PSG4: variants seen among roughly 807,000 people sequenced by gnomAD.
The protein encoded by PSG4 is pregnancy specific beta-1-glycoprotein 4.
PSG4 carries 61 observed loss-of-function variants against 44.3 expected under a neutral mutation model. The observed-to-expected ratio is 1.38, with a 90% confidence interval of 1.12 to 1.70. The LOEUF (loss-of-function observed/expected upper bound fraction) is 1.70, where lower values mean the gene tolerates loss of function less well. Among genes scored for constraint, PSG4 ranks in the 40% most tolerant of loss-of-function variants. The probability of loss-of-function intolerance (pLI) is 0.00; values close to 1 mark genes in which losing one functional copy is unlikely to be tolerated. For missense variants in PSG4, 677 were observed against 511.7 expected, an observed-to-expected ratio of 1.32 and a Z score of -3.12; for synonymous variants, 248 against 191.3, an observed-to-expected ratio of 1.30 and a Z score of -2.45.
Position 43,194,383 on chromosome 19 carries a change from G to A in PSG4, c.1200C>T (p.Ala400=), listed in dbSNP as rs768917660. The A allele has an allele frequency of 1.2e-6, 2 of 1,612,448 alleles. No homozygotes were observed. Among genetic ancestry groups the A allele is most frequent in the Non-Finnish European group, 8.5e-7 (1 of 1,179,114 alleles). ...GLYACSVRNS[A]TGKESSKSIT... ...TGGATTTGGAGCTTTCCTTGCCAGT[G>A]GCTGAGTTACGAACAGAGCAAGCAT... Residue 400 remains alanine (A), a synonymous_variant, in exon 5 of 6, where the codon GCC becomes GCT. Transcript: ENST00000405312.
In PSG4 at chr19:43,204,514, G is replaced by A. The variant is rs182378386; in HGVS notation, c.65-263C>T. The A allele has an allele frequency of 3.1e-4, 141 of 460,184 alleles. 12 individuals are homozygous for A. Among genetic ancestry groups the A allele is most frequent in the African/African-American group, 2.1e-3 (93 of 45,156 alleles). 28.5% of individuals were successfully genotyped at this position (460,184 alleles called of 1,614,324 possible). ...TTGGATTCCTCTTCCCCAGGGGTCC[G>A]CACGGCCCCCTCCACACTGCCCTCA... On this transcript the variant is annotated intron_variant, in intron 1 of 5. Coordinates refer to ENST00000405312, the MANE Select transcript of PSG4 (RefSeq NM_002780.5).
Position 43,193,770 on chromosome 19 carries a change from A to G in PSG4, c.1244-382T>C, listed in dbSNP as rs1029477532. The stretch of plus-strand genomic sequence containing the variant: ...TTCTATCTATATTCTTGAATATAAC[A>G]TCCCAGTCAAAGCCTTGGTAATATA... On this transcript the variant is annotated intron_variant, in intron 5 of 5. Transcript: ENST00000405312. 3 of 530,526 alleles carry G rather than the reference A, an allele frequency of 5.7e-6. No homozygotes were observed. In the African/African-American group the frequency reaches 5.8e-5, roughly 10 times the overall value. 32.9% of individuals were successfully genotyped at this position (530,526 alleles called of 1,614,324 possible).
intron 1 of PSG4, chr19:43,204,928 T>C: frequency 3.2e-6 from 1 of 314,584 alleles, no homozygotes. Context: ...TTGTTATCAT[T>C]TTTCAAAATA....
rs1425471189 is a variant in PSG4 at position 43,198,008 on chromosome 19, A to C, written c.698T>G (p.Leu233Arg). The stretch of plus-strand genomic sequence containing the variant: ...CAGAGGATACTCACGGAGGAGATTC[A>C]GGGTGACTGGGTCACTGCGGCTGGC... ...VSASRSDPVTLNLLPKLSKPY... is the reference protein window; with the variant it reads ...VSASRSDPVTRNLLPKLSKPY... Residue 233 changes from leucine to arginine, a missense_variant, in exon 3 of 6, where the codon CTG becomes CGG. Physicochemically the swap from Leu to Arg is moderately radical, Grantham distance 102. Transcript: ENST00000405312. 1.3e-6 allele frequency: 2 copies of C among 1,588,002 alleles called. No homozygotes were observed. The highest frequency in any genetic ancestry group is 1.1e-5 in the South Asian group (1 of 89,946).
chr19:43,202,006 T>G lies in PSG4; in HGVS notation c.430+1880A>C, dbSNP rs1291523905. The stretch of plus-strand genomic sequence containing the variant: ...GTGACCTGGGGACATTGGCTCGAGA[T>G]GAAGCCTGGCAGGAGTGGCAACTCC... On this transcript the variant is annotated intron_variant, in intron 2 of 5. Transcript: ENST00000405312. 3.5e-5 allele frequency among the ~76,000 whole-genome samples: 5 copies of G among 144,604 alleles called. 1 individual carries two copies. In the East Asian group the frequency reaches 7.1e-4, roughly 21 times the overall value. 94.9% of individuals were successfully genotyped at this position (144,604 alleles called of 152,430 possible).
chr19:43,198,011 G>T lies in PSG4; in HGVS notation c.695C>A (p.Thr232Asn), dbSNP rs146166080. 6.4e-4 allele frequency: 1,024 copies of T among 1,587,888 alleles called. 168 individuals are homozygous for T. The African/African-American group carries it at 0.013, about 20-fold the overall frequency. ...PVSASRSDPV[T>N]LNLLPKLSKP... ...AGGATACTCACGGAGGAGATTCAGG[G>T]TGACTGGGTCACTGCGGCTGGCACT... The change falls in exon 3 of 6, where the codon ACC (threonine) becomes AAC (asparagine). Residue 232 changes from threonine to asparagine, a missense_variant. Physicochemically the swap from Thr to Asn is moderately conservative, Grantham distance 65. Coordinates refer to ENST00000405312, the MANE Select transcript of PSG4 (RefSeq NM_002780.5).
rs978128523 is a variant in PSG4 at position 43,193,023 on chromosome 19, A to G, written c.*349T>C. On this transcript the variant is annotated 3_prime_UTR_variant, in exon 6 of 6. Coordinates refer to ENST00000405312, the MANE Select transcript of PSG4 (RefSeq NM_002780.5). ...ACCCTCAGAAGCTACTACATGTGAA[A>G]TTCTAATGACTGCATTATCCTGCCA... 2 of 560,608 alleles carry G rather than the reference A, an allele frequency of 3.6e-6. No individual in the cohort carries two copies. The highest frequency in any genetic ancestry group is 6.4e-6 in the Non-Finnish European group (2 of 314,860). 34.7% of individuals were successfully genotyped at this position (560,608 alleles called of 1,614,324 possible). A position where few individuals can be genotyped will look rare whatever the true frequency, so the allele number is the denominator to read the frequency against.
Position 43,202,294 on chromosome 19 carries a change from G to GC in PSG4, c.430+1591dup, listed in dbSNP as rs574447707. ...ACTTCAGAGACCCCAGGGACCAGGT[G>GC]CCCCAGTTCCACAGTCCAGGACCAA... On this transcript the variant is annotated intron_variant, in intron 2 of 5. Transcript: ENST00000405312. Among the ~76,000 whole-genome samples, 1,239 of 141,226 alleles carry GC rather than the reference G, an allele frequency of 8.8e-3. 118 individuals carry two copies. Among genetic ancestry groups the GC allele is most frequent in the African/African-American group, 0.023 (831 of 35,878 alleles). 92.6% of individuals were successfully genotyped at this position (141,226 alleles called of 152,430 possible). A position where few individuals can be genotyped will look rare whatever the true frequency, so the allele number is the denominator to read the frequency against.
chr19:43,194,987 A>G lies in PSG4; in HGVS notation c.988+8T>C. On this transcript the variant is annotated splice_region_variant and intron_variant, in intron 4 of 5. Transcript: ENST00000405312. ...GTCCTGGCCCACAGAGGAACAAAAGATACTCACAGAGGACATTCAGGGTGA... is the reference window on the plus strand; with the variant it reads ...GTCCTGGCCCACAGAGGAACAAAAGGTACTCACAGAGGACATTCAGGGTGA... The G allele has an allele frequency of 1.2e-6, 2 of 1,610,048 alleles. No individual in the cohort carries two copies. The highest frequency in any genetic ancestry group is 1.3e-5 in the African/African-American group (1 of 74,560).
rs142156065 is a variant in PSG4 at position 43,193,328 on chromosome 19, C to T, written c.*44G>A. 4.1e-5 allele frequency: 32 copies of T among 775,164 alleles called. 2 individuals carry two copies. Among genetic ancestry groups the T allele is most frequent in the African/African-American group, 2.2e-4 (13 of 58,860 alleles). 48.0% of individuals were successfully genotyped at this position (775,164 alleles called of 1,614,324 possible). A position where few individuals can be genotyped will look rare whatever the true frequency, so the allele number is the denominator to read the frequency against. On this transcript the variant is annotated 3_prime_UTR_variant, in exon 6 of 6. Transcript: ENST00000405312. ...CTGGAACAGAGTGGGTCTTGCTCTT[C>T]GTGATTCCATGGGAGAAAATGGAAT... is the stretch of plus-strand genomic sequence containing the variant.
Position 43,198,180 on chromosome 19 carries a change from C to T in PSG4, c.526G>A (p.Ala176Thr), listed in dbSNP as rs777453397. 4.0e-5 allele frequency: 63 copies of T among 1,587,628 alleles called. 4 individuals are homozygous for T. The highest frequency in any genetic ancestry group is 2.2e-4 in the African/African-American group (15 of 69,552). ...ILTCDPATPA[A>T]SYQWWMNGQS... ...CCATTCATCCACCACTGGTAGCTTG[C>T]GGCTGGAGTCGCAGGATCACAGGTT... The change falls in exon 3 of 6, where the codon GCA (alanine) becomes ACA (threonine). Residue 176 changes from alanine (A) to threonine (T), a missense_variant. Transcript: ENST00000405312.
chr19:43,194,745 G>A, intron 4 of PSG4, 151 bp from the exon 5 acceptor site: 1 of 1,432,250 alleles, frequency 7.0e-7, no homozygotes, highest in East Asian at 2.3e-5. Context: ...GAAGCCTGAG[G>A]TATTCACCTG....
intron 2 of PSG4, chr19:43,203,110 C>T (rs1259069775): frequency 1.4e-5 from 2 of 145,990 alleles, no homozygotes; most frequent in African/African-American, 2.6e-5. Flanking sequence ...GTGGAGGTTT[C>T]ACACAAACAG....
At chr19:43,194,732 GC>G in intron 4 of PSG4, 138 bp from the exon 5 acceptor site, 4 of 1,455,558 alleles carry the variant, frequency 2.7e-6, no homozygotes, top group Non-Finnish European at 3.7e-6. Flanking sequence ...TGTTCACTGA[GC>G]CGAAGCCTGA....
At chr19:43,202,923 C>G (rs1194028322) in intron 2 of PSG4, among the ~76,000 whole-genome samples, 2 of 144,766 alleles carry the variant, frequency 1.4e-5, no homozygotes, top group Non-Finnish European at 3.0e-5. Context: ...AGACAGACCT[C>G]ATGTGACCCC....
intron 3 of PSG4, 101 bp from the exon 4 acceptor site, chr19:43,195,374 CG>C (rs1408767814): frequency 1.3e-6 from 2 of 1,517,724 alleles, no homozygotes; most frequent in African/African-American, 1.4e-5. Context: ...TCAGCCCACC[CG>C]AGTCCTTGAA....
chr19:43,195,503 C>T (rs1174684783), intron 3 of PSG4, among the ~76,000 whole-genome samples: 1 of 151,450 alleles, frequency 6.6e-6, no homozygotes, highest in East Asian at 1.9e-4. Context: ...GTCAATTGAG[C>T]AGCAGTGTTG....
At chr19:43,204,402 T>C (rs1289289226) in intron 1 of PSG4, 151 bp from the exon 2 acceptor site, 20 of 1,067,684 alleles carry the variant, frequency 1.9e-5, no homozygotes, top group Non-Finnish European at 2.5e-5. Flanking sequence ...CGTGAGTGTA[T>C]GTGTGTGTGT....
chr19:43,193,221 G>C lies in PSG4; in HGVS notation c.*151C>G, dbSNP rs1195440421. 1 of 763,482 alleles carries C rather than the reference G, an allele frequency of 1.3e-6. No homozygotes were observed. The highest frequency in any genetic ancestry group is 2.4e-6 in the Non-Finnish European group (1 of 417,000). The allele number at this position is 763,482 out of a possible 1,614,324, so 47.3% of individuals were successfully genotyped here. On this transcript the variant is annotated 3_prime_UTR_variant, in exon 6 of 6. Transcript: ENST00000405312. ...GTTATGGTGTCGAACATTTTGGTGA[G>C]TTCTGAGTGGCTCACATGTCAGGTA...
Sources: gnomAD v4.1 joint callset for allele counts (sites outside exome capture counted in the v4.1 genomes callset) on GRCh38, gnomAD v4.1.1 for gene constraint, MANE v1.5 for transcripts, NCBI Gene and HGNC (gene_info 2026-07-23, HGNC 2026-07-21) for gene names.